OPN3: variants seen among roughly 807,000 people sequenced by gnomAD.
OPN3 encodes opsin 3.
OPN3 carries 29 observed loss-of-function variants against 33.8 expected under a neutral mutation model. The ratio of observed to expected loss-of-function variants is 0.86; its 90% CI spans 0.64 to 1.17. The LOEUF is 1.17. OPN3 is among the 50% of genes most tolerant of loss of function. OPN3 has a pLI of 0.00. For synonymous variants in OPN3, 216 were observed against 216.1 expected (o/e 1.00, Z 0.00); for missense variants, 437 against 514.1 (o/e 0.85, Z 1.45).
In OPN3 at chr1:241,640,029, T is replaced by C. The variant is rs1665058031; in HGVS notation, c.226A>G (p.Thr76Ala). 1 of 1,612,620 alleles carries C rather than the reference T, an allele frequency of 6.2e-7. No homozygotes were observed. Among genetic ancestry groups the C allele is most frequent in the Admixed American group, 1.7e-5 (1 of 59,920 alleles). The change falls in exon 1 of 4, where the codon ACT becomes GCT. Residue 76 changes from threonine (T) to alanine (A), a missense_variant. By Grantham distance (58) the Thr-to-Ala change is moderately conservative. Coordinates refer to ENST00000366554, the MANE Select transcript of OPN3 (RefSeq NM_014322.3). Reference protein sequence around the residue: ...YYKFQRLRTPTHLLLVNISLS... With the variant: ...YYKFQRLRTPAHLLLVNISLS... ...CTGATGTTGACCAGGAGGAGGTGAG[T>C]GGGAGTGCGGAGCCGCTGGAACTTG... is the stretch of plus-strand genomic sequence containing the variant.
Position 241,639,950 on chromosome 1 carries a change from C to A in OPN3, c.305G>T (p.Cys102Phe), listed in dbSNP as rs1412343102. The A allele has an allele frequency of 6.2e-7, 1 of 1,609,100 alleles. No individual in the cohort carries two copies. The highest frequency in any genetic ancestry group is 1.7e-5 in the Admixed American group (1 of 59,422). Reference sequence around the variant, plus strand: ...GTCCCACACCCAGCCGTTCCTCAGGCAGGACACGAAGGTAAAGGTGACCCC... The same window carrying A: ...GTCCCACACCCAGCCGTTCCTCAGGAAGGACACGAAGGTAAAGGTGACCCC... Reference protein sequence around the residue: ...LFGVTFTFVSCLRNGWVWDTV... With the variant: ...LFGVTFTFVSFLRNGWVWDTV... The change falls in exon 1 of 4, where the codon TGC (cysteine) becomes TTC (phenylalanine). Residue 102 changes from cysteine (C) to phenylalanine (F), a missense_variant. Physicochemically the swap from Cys to Phe is radical, Grantham distance 205. Transcript: ENST00000366554.
chr1:241,597,918 A>G lies in OPN3; in HGVS notation c.773T>C (p.Phe258Ser). 6.2e-7 allele frequency: 1 copy of G among 1,614,052 alleles called. No individual in the cohort carries two copies. The highest frequency in any genetic ancestry group is 8.5e-7 in the Non-Finnish European group (1 of 1,180,002). The change falls in exon 3 of 4, where the codon TTT becomes TCT. Residue 258 changes from phenylalanine to serine, a missense_variant. Transcript: ENST00000366554. ...KYEKKLAKMC[F>S]LMIFTFLVCW... The stretch of plus-strand genomic sequence containing the variant: ...GACCAGGAAGGTGAATATCATTAAA[A>G]AGCACATTTTGGCCAGTTTCTTTTC...
chr1:241,596,276 C>G (rs1411643641), intron 3 of OPN3, among the ~76,000 whole-genome samples: 1 of 152,142 alleles, frequency 6.6e-6, no homozygotes, highest in African/African-American at 2.4e-5. Context: ...AGTTATAAAC[C>G]ATCTCACTAG....
intron 1 of OPN3, among the ~76,000 whole-genome samples, chr1:241,605,007 G>C (rs1351840483): frequency 6.7e-6 from 1 of 149,780 alleles, no homozygotes; most frequent in African/African-American, 2.5e-5. Flanking sequence ...AGTGAGCTGA[G>C]ATTGCGCCAC....
At chr1:241,600,599 TC>T (rs1395284767) in intron 2 of OPN3, 1 of 152,226 alleles carries the variant, frequency 6.6e-6, no homozygotes, top group Non-Finnish European at 1.5e-5. Flanking sequence ...TCACTGTGAA[TC>T]TTCATTCTCA....
At chr1:241,597,221 C>G (rs535706637) in intron 3 of OPN3, among the ~76,000 whole-genome samples, 9 of 152,164 alleles carry the variant, frequency 5.9e-5, no homozygotes, top group African/African-American at 2.2e-4. Context: ...GTATCTATAA[C>G]CCCAAGTGAG....
At chr1:241,635,535 C>T (rs558038287) in intron 1 of OPN3, 2 of 1,614,024 alleles carry the variant, frequency 1.2e-6, no homozygotes, top group East Asian at 2.2e-5. Context: ...TGGATCAGGT[C>T]CTGCCATACA....
At chr1:241,634,357 T>G in intron 1 of OPN3, 1 of 1,614,036 alleles carries the variant, frequency 6.2e-7, no homozygotes, top group East Asian at 2.2e-5. Context: ...TCTGCTGATC[T>G]AAATCTGTCT....
chr1:241,626,640 A>C (rs684338), intron 1 of OPN3, among the ~76,000 whole-genome samples: 2 of 152,060 alleles, frequency 1.3e-5, no homozygotes, highest in East Asian at 1.9e-4. Context: ...TTTTCCTTTA[A>C]AGCTGGTAAA....
chr1:241,601,018 A>C (rs1271016291), intron 2 of OPN3: 3 of 152,114 alleles, frequency 2.0e-5, no homozygotes, highest in Non-Finnish European at 2.9e-5. Flanking sequence ...TAGCCTTGTG[A>C]GGGAAGGAGG....
intron 3 of OPN3, 112 bp from the exon 4 acceptor site, chr1:241,594,803 A>G: frequency 7.9e-7 from 1 of 1,261,608 alleles, no homozygotes; most frequent in East Asian, 2.4e-5. Flanking sequence ...GTTTGTTAGC[A>G]GGTGTGGATG....
chr1:241,623,079 A>G (rs1175857786), intron 1 of OPN3, among the ~76,000 whole-genome samples: 1 of 102,108 alleles, frequency 9.8e-6, no homozygotes. Flanking sequence ...AGAAATCTTA[A>G]AAAAACAAAA....
At chr1:241,609,317 G>C (rs1475153520) in intron 1 of OPN3, among the ~76,000 whole-genome samples, 1 of 152,154 alleles carries the variant, frequency 6.6e-6, no homozygotes, top group Non-Finnish European at 1.5e-5. Flanking sequence ...AAGGGTTAAG[G>C]AATTGATGTC....
At chr1:241,615,709 G>T in intron 1 of OPN3, 1 of 392,796 alleles carries the variant, frequency 2.5e-6, no homozygotes, top group Non-Finnish European at 5.2e-6. Flanking sequence ...GACTCTATTC[G>T]TGTGCCATCC....
intron 2 of OPN3, among the ~76,000 whole-genome samples, chr1:241,601,350 GAA>G (rs1663671705): frequency 1.4e-5 from 2 of 146,148 alleles, no homozygotes; most frequent in African/African-American, 2.5e-5. Flanking sequence ...TTAAAAAGGA[GAA>G]CTAAGTTTTT....
chr1:241,634,885 C>T, intron 1 of OPN3: 1 of 1,610,400 alleles, frequency 6.2e-7, no homozygotes, highest in Non-Finnish European at 8.5e-7. Context: ...TTAGCATCCT[C>T]TTTTCAACCA....
At chr1:241,622,672 G>T (rs1664296889) in intron 1 of OPN3, among the ~76,000 whole-genome samples, 1 of 152,130 alleles carries the variant, frequency 6.6e-6, no homozygotes, top group Admixed American at 6.5e-5. Context: ...CTAAAACATT[G>T]GTTTCACCCA....
chr1:241,639,875 A>G lies in OPN3; in HGVS notation c.373+7T>C. ...AGGGGAGGCTGCCTTCTCCCAGTCC[A>G]ACTCACCGAAGAGGCTGCCGCTAAA... On this transcript the variant is annotated splice_region_variant and intron_variant, in intron 1 of 3. Transcript: ENST00000366554. 1.3e-6 allele frequency: 2 copies of G among 1,553,824 alleles called. No homozygotes were observed. Among genetic ancestry groups the G allele is most frequent in the Non-Finnish European group, 1.7e-6 (2 of 1,148,876 alleles).
rs374986055 is a variant in OPN3, at chr1:241,604,474, T to C, written c.479A>G (p.Tyr160Cys). The C allele has an allele frequency of 6.2e-7, 1 of 1,614,022 alleles. No individual in the cohort carries two copies. Among genetic ancestry groups the C allele is most frequent in the Non-Finnish European group, 8.5e-7 (1 of 1,180,014 alleles). The change falls in exon 2 of 4, where the codon TAC (tyrosine) becomes TGC (cysteine). Residue 160 changes from tyrosine (Y) to cysteine (C), a missense_variant. Coordinates refer to ENST00000366554, the MANE Select transcript of OPN3 (RefSeq NM_014322.3). Reference sequence around the variant, plus strand: ...CCACGCCAGTGAGTAGAGCCAGATGTAGGTAATGGCCCTCCAGGCCCAGGA... The same window carrying C: ...CCACGCCAGTGAGTAGAGCCAGATGCAGGTAATGGCCCTCCAGGCCCAGGA... ...NFSWAWRAIT[Y>C]IWLYSLAWAG...
Sources: gnomAD v4.1 joint callset for allele counts (sites outside exome capture counted in the v4.1 genomes callset) on GRCh38, gnomAD v4.1.1 for gene constraint, MANE v1.5 for transcripts, NCBI Gene and HGNC (gene_info 2026-07-23, HGNC 2026-07-21) for gene names.